The following CNTN4 variants were observed in gnomAD, a reference collection of about 807,000 sequenced individuals.
The protein encoded by CNTN4 is contactin 4.
In CNTN4, 77 loss-of-function variants were observed where a neutral mutation model predicts 122.5. The ratio of observed to expected loss-of-function variants is 0.63; its 90% CI spans 0.52 to 0.76. The LOEUF (loss-of-function observed/expected upper bound fraction) is 0.76. Ranked by LOEUF, CNTN4 falls within the 30% of genes least tolerant of loss-of-function variation. CNTN4 has a pLI of 0.00. For missense variants in CNTN4, 1,256 were observed against 1,259.1 expected (o/e 1.00, Z 0.04); for synonymous variants, 512 against 447.0 (o/e 1.15, Z -1.83).
intron 6 of CNTN4, among the ~76,000 whole-genome samples, chr3:2,754,742 A>T (rs997350751): frequency 1.3e-5 from 2 of 151,384 alleles, no homozygotes; most frequent in African/African-American, 4.9e-5. Flanking sequence ...TGCGGAATGA[A>T]GTGAAAAAAA....
intron 2 of CNTN4, among the ~76,000 whole-genome samples, chr3:2,312,240 A>G (rs1189482024): frequency 1.3e-5 from 2 of 152,038 alleles, no homozygotes; most frequent in Admixed American, 6.6e-5. Flanking sequence ...AAGAACATGA[A>G]TCACAACAGG....
At chr3:2,765,241 A>G (rs947792917) in intron 6 of CNTN4, among the ~76,000 whole-genome samples, 4 of 152,208 alleles carry the variant, frequency 2.6e-5, no homozygotes, top group African/African-American at 4.8e-5. Context: ...TAGGGTTTCA[A>G]TATCACCACT....
At chr3:2,605,088 C>T (rs1456584474) in intron 4 of CNTN4, among the ~76,000 whole-genome samples, 1 of 152,168 alleles carries the variant, frequency 6.6e-6, no homozygotes, top group Non-Finnish European at 1.5e-5. Context: ...TTCACGGCAG[C>T]CTCGAACTGC....
intron 2 of CNTN4, among the ~76,000 whole-genome samples, chr3:2,226,636 C>G (rs1575121991): frequency 6.6e-6 from 1 of 152,098 alleles, no homozygotes; most frequent in Non-Finnish European, 1.5e-5. Context: ...GCACCTTCAT[C>G]ATAGGCAAAT....
intron 6 of CNTN4, among the ~76,000 whole-genome samples, chr3:2,764,708 A>G (rs879635857): frequency 6.6e-6 from 1 of 152,200 alleles, no homozygotes; most frequent in Non-Finnish European, 1.5e-5. Flanking sequence ...TGTAAGTCTA[A>G]TCATCAGTTC....
At chr3:2,678,802 A>C (rs1325112844) in intron 4 of CNTN4, among the ~76,000 whole-genome samples, 3 of 152,200 alleles carry the variant, frequency 2.0e-5, no homozygotes, top group Admixed American at 2.0e-4. Context: ...ATGTCTTACG[A>C]AGCAGGCCCA....
chr3:2,709,549 G>A lies in CNTN4; in HGVS notation c.56-26666G>A, dbSNP rs117775850. On this transcript the variant is annotated intron_variant, in intron 4 of 24. Transcript: ENST00000418658. The surrounding 1 kb of genome is among the most constrained non-coding windows in gnomAD (Gnocchi z 5.0). ...AGATTTATGCCAGACTTCTAGACCA[G>A]TCTCCTTTCCAATTCCATAAAATGA... 2.6e-5 allele frequency among the ~76,000 whole-genome samples: 4 copies of A among 152,150 alleles called. No individual in the cohort carries two copies. The highest frequency in any genetic ancestry group is 9.7e-5 in the African/African-American group (4 of 41,438).
intron 2 of CNTN4, among the ~76,000 whole-genome samples, chr3:2,221,895 C>G (rs2149493119): frequency 6.6e-6 from 1 of 152,196 alleles, no homozygotes; most frequent in South Asian, 2.1e-4. Context: ...AGTAATAACA[C>G]TTTTTAAATA....
intron 3 of CNTN4, among the ~76,000 whole-genome samples, chr3:2,347,408 A>G (rs964533973): frequency 2.3e-5 from 1 of 43,702 alleles, no homozygotes; most frequent in Non-Finnish European, 5.2e-5. Flanking sequence ...AGGAAATACA[A>G]TCTTTTTTTT....
intron 13 of CNTN4, among the ~76,000 whole-genome samples, chr3:2,981,429 G>C (rs561084761): frequency 2.2e-4 from 34 of 152,204 alleles, no homozygotes; most frequent in Admixed American, 1.6e-3. Flanking sequence ...GGGCGACAGA[G>C]CGAGACTCCG....
At position 3,053,566 on chromosome 3, in the gene CNTN4, T is replaced by C. The variant is rs147277705; in HGVS notation, c.2812-241T>C. On this transcript the variant is annotated intron_variant, in intron 23 of 24. Transcript: ENST00000418658. ...ACTGAGCCTCCGAGAGGCTAGGCAG[T>C]AGGTAGAATCACGTTGCTGATGCCC... 3.8e-3 allele frequency among the ~76,000 whole-genome samples: 572 copies of C among 152,240 alleles called. 2 individuals carry two copies. The highest frequency in any genetic ancestry group is 5.8e-3 in the Non-Finnish European group (397 of 67,994).
chr3:2,201,166 T>C (rs929879303), intron 2 of CNTN4, among the ~76,000 whole-genome samples: 2 of 152,110 alleles, frequency 1.3e-5, no homozygotes, highest in Non-Finnish European at 2.9e-5. Flanking sequence ...CTCTTGTTAG[T>C]AACCTCCCAC....
At chr3:2,665,706 G>A (rs1459984740) in intron 4 of CNTN4, among the ~76,000 whole-genome samples, 1 of 152,164 alleles carries the variant, frequency 6.6e-6, no homozygotes, top group Non-Finnish European at 1.5e-5. Context: ...TATAAGGGTA[G>A]ATAAGGAGAC....
At chr3:2,983,779 A>G (rs1694284498) in intron 13 of CNTN4, among the ~76,000 whole-genome samples, 1 of 152,236 alleles carries the variant, frequency 6.6e-6, no homozygotes, top group South Asian at 2.1e-4. Context: ...ACTACACTAT[A>G]TTGCTGTATA....
intron 3 of CNTN4, among the ~76,000 whole-genome samples, chr3:2,533,311 G>T (rs2077670311): frequency 6.6e-6 from 1 of 151,842 alleles, no homozygotes; most frequent in Non-Finnish European, 1.5e-5. Flanking sequence ...AGGCCCTGGT[G>T]TGTGATGTTC....
intron 3 of CNTN4, among the ~76,000 whole-genome samples, chr3:2,534,837 T>A (rs55912957): frequency 2.0e-5 from 1 of 50,114 alleles, no homozygotes; most frequent in East Asian, 2.4e-4. Flanking sequence ...GCTGCTGCTG[T>A]TGCTGTTATT....
chr3:2,828,836 C>A (rs2150354368), intron 7 of CNTN4, among the ~76,000 whole-genome samples: 2 of 152,276 alleles, frequency 1.3e-5, no homozygotes, highest in Middle Eastern at 6.8e-3. Flanking sequence ...AAACCGGGCT[C>A]AAGCAATCCT....
rs545767784 is a variant in CNTN4, at chr3:2,385,620, G to A, written c.-89+46387G>A. Reference sequence around the variant, plus strand: ...GGGTCGCATCTCTCAGCTTCTGTTAGCCCCAGTTGTTCTGCAGCTTGTGGG... The same window carrying A: ...GGGTCGCATCTCTCAGCTTCTGTTAACCCCAGTTGTTCTGCAGCTTGTGGG... On this transcript the variant is annotated intron_variant, in intron 3 of 24. Coordinates refer to ENST00000418658, the MANE Select transcript of CNTN4 (RefSeq NM_175607.3). The surrounding 1 kb of genome is among the most constrained non-coding windows in gnomAD (Gnocchi z 4.0). 1.1e-4 allele frequency among the ~76,000 whole-genome samples: 17 copies of A among 152,106 alleles called. No homozygotes were observed. The highest frequency in any genetic ancestry group is 4.1e-4 in the African/African-American group (17 of 41,522).
At chr3:2,919,207 C>T (rs530165435) in intron 12 of CNTN4, among the ~76,000 whole-genome samples, 174 of 134,844 alleles carry the variant, frequency 1.3e-3, no homozygotes, top group African/African-American at 3.7e-3. Context: ...AAAAAAATTG[C>T]CAGGTGTGGT....
Sources: gnomAD v4.1 joint callset for allele counts (sites outside exome capture counted in the v4.1 genomes callset) on GRCh38, gnomAD v4.1.1 for gene constraint, Gnocchi (gnomAD v3.1) non-coding constraint, MANE v1.5 for transcripts, NCBI Gene and HGNC (gene_info 2026-07-23, HGNC 2026-07-21) for gene names.